AP3M1: variants seen among roughly 807,000 people sequenced by gnomAD.
AP3M1 encodes adaptor related protein complex 3 subunit mu 1, also known as AP-3 complex subunit mu-1.
A neutral mutation model predicts 42.6 loss-of-function variants in AP3M1; 29 were observed. The observed-to-expected ratio is 0.68, with a 90% CI of 0.51 to 0.93. The LOEUF (loss-of-function observed/expected upper bound fraction) is 0.93. AP3M1 is among the 40% of genes least tolerant of loss of function. The pLI is 0.00. For missense variants in AP3M1, 416 were observed against 510.2 expected (o/e 0.82, Z 1.78); for synonymous variants, 178 against 175.3 (o/e 1.02, Z -0.12).
At chr10:74,142,291 A>C (rs1841178614) in intron 1 of AP3M1, among the ~76,000 whole-genome samples, 1 of 152,210 alleles carries the variant, frequency 6.6e-6, no homozygotes, top group Non-Finnish European at 1.5e-5. Flanking sequence ...AGAAGAAAGA[A>C]TTTAAGACCT....
chr10:74,127,048 G>T (rs1377666923), intron 6 of AP3M1, among the ~76,000 whole-genome samples: 1 of 148,954 alleles, frequency 6.7e-6, no homozygotes, highest in Non-Finnish European at 1.5e-5. Flanking sequence ...AGTCAACATG[G>T]TATAACAATT....
chr10:74,124,251 G>C, intron 8 of AP3M1, 129 bp downstream of exon 8: 1 of 1,165,130 alleles, frequency 8.6e-7, no homozygotes, highest in Non-Finnish European at 1.2e-6. Context: ...GCCCCACCAA[G>C]CACAGTATAA....
intron 1 of AP3M1, among the ~76,000 whole-genome samples, chr10:74,149,930 C>A (rs902659110): frequency 6.6e-5 from 10 of 152,218 alleles, no homozygotes; most frequent in Admixed American, 6.5e-5. Flanking sequence ...TCTCAAACAG[C>A]TCAATGACTT....
rs368246452 is a variant in AP3M1, at chr10:74,123,861, A to C, written c.1206T>G (p.Phe402Leu). Residue 402 changes from phenylalanine (F) to leucine (L), a missense_variant, in exon 9 of 9, where the codon TTT becomes TTG. Coordinates refer to ENST00000355264, the MANE Select transcript of AP3M1 (RefSeq NM_012095.6). ...CTTTCGTGACGTATTTGACTCCTTT[A>C]AATGGCTTATATTTCTCCCCATACA... ...LDMYGEKYKP[F>L]KGVKYVTKAG... is the part of the protein sequence containing the mutation. 2 of 1,614,068 alleles carry C rather than the reference A, an allele frequency of 1.2e-6. No homozygotes were observed. Among genetic ancestry groups the C allele is most frequent in the Non-Finnish European group, 1.7e-6 (2 of 1,180,032 alleles).
At chr10:74,140,386 C>G (rs1368458425) in intron 1 of AP3M1, among the ~76,000 whole-genome samples, 7 of 152,236 alleles carry the variant, frequency 4.6e-5, no homozygotes, top group African/African-American at 1.7e-4. Context: ...TCTGTGCCGA[C>G]CAGCGCCTTC....
chr10:74,147,353 A>G (rs776849687), intron 1 of AP3M1, among the ~76,000 whole-genome samples: 5 of 152,110 alleles, frequency 3.3e-5, no homozygotes, highest in Non-Finnish European at 5.9e-5. Flanking sequence ...CTTTTCCTTA[A>G]TGCCTGCTAA....
Position 74,127,918 on chromosome 10 carries a change from T to C in AP3M1, c.803+1190A>G, listed in dbSNP as rs1431018287. The stretch of plus-strand genomic sequence containing the variant: ...GAGTTCGAGACCAGTCTGACCAACA[T>C]GGAATAACCCCGCCTCTACTAAAAA... On this transcript the variant is annotated intron_variant, in intron 6 of 8. Coordinates refer to ENST00000355264, the MANE Select transcript of AP3M1 (RefSeq NM_012095.6). Among the ~76,000 whole-genome samples the C allele has an allele frequency of 2.6e-5, 4 of 151,104 alleles. No homozygotes were observed. In the East Asian group the frequency reaches 5.9e-4, roughly 22 times the overall value.
intron 1 of AP3M1, among the ~76,000 whole-genome samples, chr10:74,149,017 C>A (rs1024293987): frequency 3.3e-5 from 5 of 151,770 alleles, no homozygotes; most frequent in Non-Finnish European, 7.4e-5. Context: ...GGACTACAGG[C>A]ACGTGCCACC....
intron 5 of AP3M1, 49 bp from the exon 6 acceptor site, chr10:74,129,290 G>A (rs774278214): frequency 6.3e-7 from 1 of 1,590,240 alleles, no homozygotes; most frequent in Non-Finnish European, 8.6e-7. Flanking sequence ...ATGAATATGG[G>A]AACTGTACTC....
At position 74,131,975 on chromosome 10, in the gene AP3M1, C is replaced by G. The variant is rs1049696731; in HGVS notation, c.584-1983G>C. ...TGTGACCTGGAACAGTTCACTTAAC[C>G]CTTCTGGGCTTTCCTTATGTGTAAA... On this transcript the variant is annotated intron_variant, in intron 4 of 8. Transcript: ENST00000355264. Among the ~76,000 whole-genome samples, 5 of 152,120 alleles carry G rather than the reference C, an allele frequency of 3.3e-5. No homozygotes were observed. In the South Asian group the frequency reaches 1.0e-3, roughly 32 times the overall value.
chr10:74,145,121 C>T (rs757181639), intron 1 of AP3M1, among the ~76,000 whole-genome samples: 1 of 152,142 alleles, frequency 6.6e-6, no homozygotes, highest in East Asian at 1.9e-4. Flanking sequence ...TTCATCCTAT[C>T]GAAAATATAG....
chr10:74,136,866 T>C, intron 2 of AP3M1, 63 bp from the exon 3 acceptor site: 1 of 1,164,230 alleles, frequency 8.6e-7, no homozygotes, highest in Non-Finnish European at 1.2e-6. Context: ...GCTAAATACT[T>C]TTTGTTCTGA....
chr10:74,124,346 A>G (rs374530516), intron 8 of AP3M1, 34 bp downstream of exon 8: 6 of 1,573,446 alleles, frequency 3.8e-6, no homozygotes, highest in South Asian at 2.4e-5. Context: ...GCAAAACTCA[A>G]TTACCCTTAA....
At chr10:74,129,856 T>C in intron 5 of AP3M1, 51 bp downstream of exon 5, 1 of 1,147,530 alleles carries the variant, frequency 8.7e-7, no homozygotes. Context: ...ATTTAGTACT[T>C]CACATGTATT....
At chr10:74,136,835 G>A (rs765031603) in intron 2 of AP3M1, 32 bp from the exon 3 acceptor site, 4 of 1,435,442 alleles carry the variant, frequency 2.8e-6, no homozygotes, top group Non-Finnish European at 3.7e-6. Context: ...ATCACACAAT[G>A]GAAGGCAAAA....
intron 4 of AP3M1, among the ~76,000 whole-genome samples, chr10:74,131,960 A>T (rs1050638452): frequency 5.3e-5 from 8 of 152,240 alleles, no homozygotes; most frequent in African/African-American, 1.9e-4. Flanking sequence ...TGTGACCTGG[A>T]ACAGTTCACT....
chr10:74,144,897 C>T (rs1273042757), intron 1 of AP3M1, among the ~76,000 whole-genome samples: 3 of 151,942 alleles, frequency 2.0e-5, no homozygotes, highest in South Asian at 4.2e-4. Flanking sequence ...CTCCTGACCT[C>T]GTGATCCGCC....
At chr10:74,149,174 T>C (rs1841432006) in intron 1 of AP3M1, among the ~76,000 whole-genome samples, 1 of 148,808 alleles carries the variant, frequency 6.7e-6, no homozygotes, top group Non-Finnish European at 1.5e-5. Flanking sequence ...TGCCTGGCCG[T>C]ATATTATATT....
Position 74,138,100 on chromosome 10 carries a change from A to T in AP3M1, c.273+7T>A, listed in dbSNP as rs763897100. The T allele has an allele frequency of 3.7e-5, 59 of 1,611,644 alleles. 1 individual carries two copies. The highest frequency in any genetic ancestry group is 8.4e-5 in the Admixed American group (5 of 59,784). ...TTTAACTTAGAAAGGTATGATAGAT[A>T]ACCAACCTGAAAAGTGTCAGCAACT... On this transcript the variant is annotated splice_region_variant and intron_variant, in intron 2 of 8. Coordinates refer to ENST00000355264, the MANE Select transcript of AP3M1 (RefSeq NM_012095.6).
Sources: gnomAD v4.1 joint callset for allele counts (sites outside exome capture counted in the v4.1 genomes callset) on GRCh38, gnomAD v4.1.1 for gene constraint, MANE v1.5 for transcripts, NCBI Gene and HGNC (gene_info 2026-07-23, HGNC 2026-07-21) for gene names.